EML6: variants seen among roughly 807,000 people sequenced by gnomAD.
EML6 encodes the protein EMAP like 6, also known as echinoderm microtubule-associated protein-like 6.
A neutral mutation model predicts 240.1 loss-of-function variants in EML6; 154 were observed. The ratio of observed to expected loss-of-function variants is 0.64; its 90% CI spans 0.56 to 0.73. The LOEUF is 0.73. EML6 is among the 30% of genes least tolerant of loss of function. The pLI is 0.00. For missense variants in EML6, 2,964 were observed against 2,474.6 expected (o/e 1.20, Z -4.20); for synonymous variants, 1,148 against 899.0 (o/e 1.28, Z -4.95).
At chr2:54,864,954 A>G (rs1281916206) in intron 13 of EML6, among the ~76,000 whole-genome samples, 1 of 152,226 alleles carries the variant, frequency 6.6e-6, no homozygotes, top group Non-Finnish European at 1.5e-5. Context: ...GCATTGACAC[A>G]TTGTATTATG....
chr2:54,751,839 A>T (rs1423666291), intron 2 of EML6, among the ~76,000 whole-genome samples: 1 of 152,164 alleles, frequency 6.6e-6, no homozygotes, highest in Non-Finnish European at 1.5e-5. Flanking sequence ...AAACTGAGGC[A>T]GTTAGAGGGT....
At chr2:54,885,173 G>T (rs563197083) in intron 17 of EML6, among the ~76,000 whole-genome samples, 2 of 151,832 alleles carry the variant, frequency 1.3e-5, no homozygotes, top group Non-Finnish European at 1.5e-5. Context: ...AACCTGGCAC[G>T]GTGGCTCACG....
chr2:54,928,541 C>T, intron 27 of EML6, 27 bp downstream of exon 27: 1 of 1,547,802 alleles, frequency 6.5e-7, no homozygotes, highest in Middle Eastern at 1.7e-4. Context: ...CCACATGCCT[C>T]CTGCGCCGAA....
intron 28 of EML6, among the ~76,000 whole-genome samples, chr2:54,947,728 G>A (rs113454604): frequency 4.6e-5 from 7 of 152,298 alleles, no homozygotes; most frequent in African/African-American, 7.2e-5. Flanking sequence ...GAGAGTGTGC[G>A]GGAAGCATTG....
rs184401184 is a variant in EML6, at chr2:54,936,886, C to T, written c.4004+8135C>T. On this transcript the variant is annotated intron_variant, in intron 28 of 41. Coordinates refer to ENST00000356458, the MANE Select transcript of EML6 (RefSeq NM_001039753.4). ...GTCAAAATTCCAAACTCACCTAAAGCATATTTTTTTCCTTCCGCAGTAGAC... is the reference window on the plus strand; with the variant it reads ...GTCAAAATTCCAAACTCACCTAAAGTATATTTTTTTCCTTCCGCAGTAGAC... Among the ~76,000 whole-genome samples the T allele has an allele frequency of 5.9e-5, 9 of 152,024 alleles. No homozygotes were observed. The East Asian group carries it at 1.7e-3, about 29-fold the overall frequency.
At chr2:54,807,836 G>T (rs1301367169) in intron 2 of EML6, among the ~76,000 whole-genome samples, 3 of 152,142 alleles carry the variant, frequency 2.0e-5, no homozygotes, top group African/African-American at 7.2e-5. Flanking sequence ...AGTTTTTGGT[G>T]GCCAGTCTAA....
At chr2:54,912,950 G>A (rs1558679485) in intron 25 of EML6, among the ~76,000 whole-genome samples, 1 of 151,960 alleles carries the variant, frequency 6.6e-6, no homozygotes, top group Non-Finnish European at 1.5e-5. Context: ...GAGTAGAATG[G>A]TAATTCTTTT....
chr2:54,785,168 C>G (rs1669023651), intron 2 of EML6, among the ~76,000 whole-genome samples: 1 of 117,512 alleles, frequency 8.5e-6, no homozygotes, highest in Non-Finnish European at 1.7e-5. Flanking sequence ...CCCACACACA[C>G]ACTTTTTTTT....
rs1447549697 is a variant in EML6, at chr2:54,863,884, C to T, written c.1927C>T (p.Arg643Cys). 24 of 1,531,776 alleles carry T rather than the reference C, an allele frequency of 1.6e-5. No homozygotes were observed. The highest frequency in any genetic ancestry group is 3.7e-5 in the South Asian group (3 of 81,468). The allele number at this position is 1,531,776 out of a possible 1,614,324, so 94.9% of individuals were successfully genotyped here. A position where few individuals can be genotyped will look rare whatever the true frequency, so the allele number is the denominator to read the frequency against. ...IEQEAQINYD[R>C]QVYKEDLPQL... ...GCAAGAAGCTCAAATCAATTATGAT[C>T]GCCAGGTCGGTAAGCAGGGAGCAAT... Residue 643 changes from arginine (R) to cysteine (C), a missense_variant, in exon 13 of 42, where the codon CGC becomes TGC. Transcript: ENST00000356458.
chr2:54,725,121 G>T lies in EML6; in HGVS notation c.60G>T (p.Arg20=). 6.5e-7 allele frequency: 1 copy of T among 1,541,334 alleles called. No homozygotes were observed. Among genetic ancestry groups the T allele is most frequent in the Non-Finnish European group, 8.8e-7 (1 of 1,142,400 alleles). The change falls in exon 2 of 42, where the codon CGG becomes CGT. Residue 20 remains arginine, a synonymous_variant. Transcript: ENST00000356458. The surrounding 1 kb of genome is among the most constrained non-coding windows in gnomAD (Gnocchi z 4.3). ...GGCTGGAGTGGGTGTACGGGTACCG[G>T]GGTCACCAGTGCCGCAACAACCTGT... The part of the protein sequence containing the change: ...QLRLEWVYGY[R]GHQCRNNLYY...
At chr2:54,831,127 T>C (rs1668849275) in intron 7 of EML6, among the ~76,000 whole-genome samples, 1 of 152,148 alleles carries the variant, frequency 6.6e-6, no homozygotes, top group African/African-American at 2.4e-5. Context: ...AACTTCTTGG[T>C]ATATCTTTCA....
In EML6 at chr2:54,869,281, C is replaced by T; in HGVS notation, c.2152C>T (p.His718Tyr). The change falls in exon 15 of 42, where the codon CAC (histidine) becomes TAC (tyrosine). Residue 718 changes from histidine to tyrosine, a missense_variant. By Grantham distance (83) the His-to-Tyr change is moderately conservative. Transcript: ENST00000356458. Reference protein sequence around the residue: ...AVAVVYNRQQHSQRLYLGHDD... With the variant: ...AVAVVYNRQQYSQRLYLGHDD... ...TGCTGTCGTGTATAATCGGCAGCAG[C>T]ACTCCCAGAGGCTGTACCTGGGGCA... is the stretch of plus-strand genomic sequence containing the variant. 6.4e-7 allele frequency: 1 copy of T among 1,551,692 alleles called. No homozygotes were observed.
At chr2:54,843,928 A>T in intron 7 of EML6, 119 bp from the exon 8 acceptor site, 1 of 686,246 alleles carries the variant, frequency 1.5e-6, no homozygotes, top group African/African-American at 1.9e-5. Context: ...GTCACATTTG[A>T]TGGTATCCTG....
intron 2 of EML6, among the ~76,000 whole-genome samples, chr2:54,753,910 G>A (rs575343653): frequency 6.6e-6 from 1 of 151,972 alleles, no homozygotes; most frequent in Non-Finnish European, 1.5e-5. Context: ...ACCAAGGCGG[G>A]TGGATCACGA....
At chr2:54,793,790 TC>T (rs1669602944) in intron 2 of EML6, among the ~76,000 whole-genome samples, 1 of 152,022 alleles carries the variant, frequency 6.6e-6, no homozygotes, top group African/African-American at 2.4e-5. Flanking sequence ...TGGCAGAACT[TC>T]CCCAACTCCC....
At chr2:54,805,915 CT>C (rs1670447372) in intron 2 of EML6, among the ~76,000 whole-genome samples, 1 of 152,124 alleles carries the variant, frequency 6.6e-6, no homozygotes, top group Admixed American at 6.5e-5. Flanking sequence ...ATCCTTTCCC[CT>C]GATGAGTTAT....
intron 2 of EML6, among the ~76,000 whole-genome samples, chr2:54,798,531 A>G (rs1245417534): frequency 6.6e-6 from 1 of 152,212 alleles, no homozygotes; most frequent in African/African-American, 2.4e-5. Context: ...TAAGATCTTA[A>G]GTACCTTATG....
chr2:54,885,215 C>T (rs542609174), intron 17 of EML6, among the ~76,000 whole-genome samples: 2 of 152,114 alleles, frequency 1.3e-5, no homozygotes, highest in African/African-American at 4.8e-5. Context: ...GAGGTTGAGG[C>T]GGGCGGATCA....
chr2:54,801,951 G>C (rs1457909977), intron 2 of EML6, among the ~76,000 whole-genome samples: 3 of 152,178 alleles, frequency 2.0e-5, no homozygotes, highest in African/African-American at 7.2e-5. Context: ...TGGAGAGTTC[G>C]TGACAGGAAT....
Sources: allele counts gnomAD v4.1 joint callset (sites outside exome capture counted in the v4.1 genomes callset), GRCh38; gene constraint gnomAD v4.1.1; non-coding constraint Gnocchi (gnomAD v3.1); transcripts MANE v1.5; gene names NCBI Gene and HGNC (gene_info 2026-07-23, HGNC 2026-07-21).